Variants in CSMD2 observed in about 807,000 individuals in gnomAD.
The protein encoded by CSMD2 is CUB and Sushi multiple domains 2.
In CSMD2, 130 loss-of-function variants were observed where a neutral mutation model predicts 398.5. The ratio of observed to expected loss-of-function variants is 0.33; its 90% CI spans 0.28 to 0.38. The LOEUF (loss-of-function observed/expected upper bound fraction) is 0.38, where lower values mean the gene tolerates loss of function less well. Among genes scored for constraint, CSMD2 ranks in the 10% least tolerant of loss-of-function variants. The probability of loss-of-function intolerance (pLI) is 1.00; values close to 1 mark genes in which losing one functional copy is unlikely to be tolerated. For missense variants in CSMD2, 3,829 were observed against 4,764.9 expected (o/e 0.80, Z 5.78); for synonymous variants, 1,828 against 1,908.5 (o/e 0.96, Z 1.10).
Position 33,903,973 on chromosome 1 carries a change from C to T in CSMD2, c.920+14121G>A, listed in dbSNP as rs373398144. On this transcript the variant is annotated intron_variant, in intron 5 of 70. Coordinates refer to ENST00000373381, the MANE Select transcript of CSMD2 (RefSeq NM_001281956.2). ...CTAGTGCAGAAGCCCGAGCAGGGAA[C>T]CTGCTTAGCCCACCCTAGGGACAGG... Among the ~76,000 whole-genome samples, 32 of 152,220 alleles carry T rather than the reference C, an allele frequency of 2.1e-4. No homozygotes were observed. In the South Asian group the frequency reaches 6.6e-3, roughly 32 times the overall value.
At chr1:33,898,431 G>A (rs1032193561) in intron 5 of CSMD2, among the ~76,000 whole-genome samples, 5 of 152,112 alleles carry the variant, frequency 3.3e-5, no homozygotes, top group Admixed American at 3.3e-4. Flanking sequence ...AGAAAAATAG[G>A]AGCAGCTGAC....
intron 3 of CSMD2, among the ~76,000 whole-genome samples, chr1:33,963,747 G>T (rs927491049): frequency 1.1e-4 from 16 of 152,142 alleles, no homozygotes; most frequent in Admixed American, 6.5e-4. Flanking sequence ...GTTCCTTCTT[G>T]TTTATTGCTG....
At chr1:34,081,803 G>A (rs1417223958) in intron 2 of CSMD2, among the ~76,000 whole-genome samples, 1 of 152,200 alleles carries the variant, frequency 6.6e-6, no homozygotes, top group East Asian at 1.9e-4. Context: ...TGACATTGCC[G>A]CCTCTGCATG....
intron 7 of CSMD2, among the ~76,000 whole-genome samples, chr1:33,824,857 G>T (rs909521120): frequency 3.9e-5 from 6 of 152,032 alleles, no homozygotes; most frequent in Non-Finnish European, 7.4e-5. Context: ...GGAAAACCAG[G>T]TCAGTCATTT....
chr1:34,079,697 T>G (rs556180869), intron 2 of CSMD2, among the ~76,000 whole-genome samples: 1 of 152,272 alleles, frequency 6.6e-6, no homozygotes, highest in East Asian at 1.9e-4. Flanking sequence ...AAGACCTACC[T>G]AAGACAAAAG....
In CSMD2 at chr1:33,795,004, G is replaced by A. The variant is rs150785300; in HGVS notation, c.1447-2478C>T. ...TAGCAAGGTCTAGATGAAGTGGGAT[G>A]TGGGCCTGTAGCAATGTCTAGGTGA... On this transcript the variant is annotated intron_variant, in intron 10 of 70. Transcript: ENST00000373381. 5.4e-3 allele frequency among the ~76,000 whole-genome samples: 817 copies of A among 152,100 alleles called. 2 individuals are homozygous for A. The highest frequency in any genetic ancestry group is 9.8e-3 in the Non-Finnish European group (663 of 67,976).
intron 15 of CSMD2, among the ~76,000 whole-genome samples, chr1:33,734,752 TCCAGCCTGGATGACAGAG>T (rs1165088395): frequency 2.0e-5 from 3 of 147,986 alleles, no homozygotes; most frequent in Non-Finnish European, 4.4e-5. Flanking sequence ...ACCACTGCAC[TCCAGCCTGGATGACAGAG>T]CAAGATTCCA....
At position 33,580,859 on chromosome 1, in the gene CSMD2, C is replaced by A. The variant is rs748285841; in HGVS notation, c.7281G>T (p.Gly2427=). 2.5e-6 allele frequency: 4 copies of A among 1,614,054 alleles called. No individual in the cohort carries two copies. The highest frequency in any genetic ancestry group is 3.3e-5 in the Admixed American group (2 of 60,010). ...GQSPLLKALS[G]NYSAPLIVTS... ...TGACAATCAGGGGAGCTGAGTAATT[C>A]CCACTGAGGGCTTTCAGCAGAGGAC... The change falls in exon 48 of 71, where the codon GGG becomes GGT. Residue 2427 remains glycine (G), a synonymous_variant. Transcript: ENST00000373381.
intron 6 of CSMD2, among the ~76,000 whole-genome samples, chr1:33,827,489 C>T (rs2125021087): frequency 6.6e-6 from 1 of 152,338 alleles, no homozygotes; most frequent in South Asian, 2.1e-4. Flanking sequence ...AACACCATTT[C>T]TTCACTGAGG....
chr1:33,610,949 G>C, intron 41 of CSMD2, 92 bp downstream of exon 41: 1 of 1,280,676 alleles, frequency 7.8e-7, no homozygotes, highest in Non-Finnish European at 1.1e-6. Flanking sequence ...ATGGTGTTCT[G>C]TTTTCCCCCA....
intron 3 of CSMD2, among the ~76,000 whole-genome samples, chr1:33,965,842 C>T (rs756984509): frequency 4.6e-5 from 7 of 152,202 alleles, no homozygotes; most frequent in African/African-American, 1.7e-4. Flanking sequence ...GCCCTGAATG[C>T]GGATAGCCAC....
intron 1 of CSMD2, among the ~76,000 whole-genome samples, chr1:34,098,261 T>G (rs1383398791): frequency 8.9e-6 from 1 of 112,068 alleles, no homozygotes; most frequent in Non-Finnish European, 1.8e-5. Flanking sequence ...TGGGGACTGT[T>G]GTGGGGTGGG....
At chr1:33,904,512 G>A (rs1642960141) in intron 5 of CSMD2, among the ~76,000 whole-genome samples, 1 of 152,184 alleles carries the variant, frequency 6.6e-6, no homozygotes, top group Non-Finnish European at 1.5e-5. Context: ...ACTATTCTGG[G>A]TATTCTTCTT....
intron 10 of CSMD2, among the ~76,000 whole-genome samples, chr1:33,806,691 T>C (rs1294853941): frequency 4.6e-5 from 7 of 152,188 alleles, no homozygotes; most frequent in African/African-American, 1.7e-4. Context: ...CAAGAGTTTA[T>C]AAAATATGAC....
rs374116254 is a variant in CSMD2 at position 33,879,454 on chromosome 1, A to G, written c.921-32458T>C. Among the ~76,000 whole-genome samples, 15 of 152,276 alleles carry G rather than the reference A, an allele frequency of 9.9e-5. 1 individual carries two copies. Among genetic ancestry groups the G allele is most frequent in the African/African-American group, 3.4e-4 (14 of 41,566 alleles). ...GATGGACTTTGGGCCTACTCTCCCA[A>G]GGGTTGGGATTTATCTTCCCCATAT... On this transcript the variant is annotated intron_variant, in intron 5 of 70. Coordinates refer to ENST00000373381, the MANE Select transcript of CSMD2 (RefSeq NM_001281956.2).
At chr1:33,912,623 A>G (rs1166085372) in intron 5 of CSMD2, among the ~76,000 whole-genome samples, 1 of 151,984 alleles carries the variant, frequency 6.6e-6, no homozygotes, top group Admixed American at 6.5e-5. Context: ...ACAAGCAGAG[A>G]TGCCCCTCCC....
intron 4 of CSMD2, among the ~76,000 whole-genome samples, chr1:33,931,438 T>G (rs1297345021): frequency 6.6e-6 from 1 of 151,484 alleles, no homozygotes; most frequent in Non-Finnish European, 1.5e-5. Flanking sequence ...GATATTCTTG[T>G]AGCTTGTGGG....
chr1:34,070,292 C>T (rs1214861508), intron 2 of CSMD2, among the ~76,000 whole-genome samples: 2 of 152,136 alleles, frequency 1.3e-5, no homozygotes, highest in Non-Finnish European at 2.9e-5. Flanking sequence ...TGTAGAATCC[C>T]GTCTCTGGTA....
chr1:33,725,042 G>A (rs1646481928), intron 17 of CSMD2, among the ~76,000 whole-genome samples: 1 of 152,212 alleles, frequency 6.6e-6, no homozygotes, highest in Non-Finnish European at 1.5e-5. Flanking sequence ...GCCATCTTGG[G>A]TTAACTTCAT....
Sources: allele counts gnomAD v4.1 joint callset (sites outside exome capture counted in the v4.1 genomes callset), GRCh38; gene constraint gnomAD v4.1.1; transcripts MANE v1.5; gene names NCBI Gene and HGNC (gene_info 2026-07-23, HGNC 2026-07-21).